Variants in TAB2 observed in about 807,000 individuals in gnomAD.
TAB2 encodes the protein TGF-beta activated kinase 1 (MAP3K7) binding protein 2, also known as TGF-beta-activated kinase 1 and MAP3K7-binding protein 2.
A neutral mutation model predicts 65.0 loss-of-function variants in TAB2; 3 were observed. That is an observed-to-expected ratio of 0.05 (90% CI 0.02 to 0.12). TAB2 has a LOEUF of 0.12. Among genes scored for constraint, TAB2 ranks in the 10% least tolerant of loss-of-function variants. The pLI, the probability that TAB2 is intolerant of heterozygous loss-of-function variation, is 1.00. For missense variants in TAB2, 623 were observed against 840.3 expected (o/e 0.74, Z 3.20); for synonymous variants, 298 against 285.1 (o/e 1.05, Z -0.46).
rs548395077 is a variant in TAB2 at position 149,274,009 on chromosome 6, C to T, written c.-121+55233C>T. ...GATGGTAATGGAAAGCAGTGATTAGCGAAAAAATAATTTTATTCTTCTACC... is the reference window on the plus strand; with the variant it reads ...GATGGTAATGGAAAGCAGTGATTAGTGAAAAAATAATTTTATTCTTCTACC... On this transcript the variant is annotated intron_variant, in intron 1 of 1. Transcript: ENST00000606202. 1.4e-3 allele frequency among the ~76,000 whole-genome samples: 207 copies of T among 152,150 alleles called. 1 individual carries two copies. Among genetic ancestry groups the T allele is most frequent in the African/African-American group, 3.8e-3 (159 of 41,522 alleles).
Position 149,411,236 on chromosome 6 carries a change from TA to T in TAB2, c.*1518del, listed in dbSNP as rs1398908108. Reference sequence around the variant, plus strand: ...AAATAGAGCAAAGGATGGAAGATAATATAGACTACCACCCACTGTAAATGTT... The same window carrying T: ...AAATAGAGCAAAGGATGGAAGATAATTAGACTACCACCCACTGTAAATGTT... On this transcript the variant is annotated 3_prime_UTR_variant, in exon 7 of 7. Coordinates refer to ENST00000637181, the MANE Select transcript of TAB2 (RefSeq NM_001292034.3). 1.3e-5 allele frequency: 2 copies of T among 152,486 alleles called. No homozygotes were observed. Among genetic ancestry groups the T allele is most frequent in the African/African-American group, 2.4e-5 (1 of 41,454 alleles). 9.4% of individuals were successfully genotyped at this position (152,486 alleles called of 1,614,324 possible).
Position 149,369,880 on chromosome 6 carries a change from C to T in TAB2, c.-89-29C>T, listed in dbSNP as rs1368974617. ...CAATATTCCTTCTATAATCAGTTCT[C>T]ATTAAAATTTTTTTTCTTTCTTTCA... On this transcript the variant is annotated intron_variant, in intron 1 of 6. Transcript: ENST00000637181. 9.9e-6 allele frequency: 8 copies of T among 805,672 alleles called. No homozygotes were observed. In the East Asian group the frequency reaches 2.0e-4, roughly 21 times the overall value. The allele number at this position is 805,672 out of a possible 1,614,324, so 49.9% of individuals were successfully genotyped here.
At chr6:149,377,361 T>G (rs2114879916) in intron 2 of TAB2, among the ~76,000 whole-genome samples, 1 of 151,808 alleles carries the variant, frequency 6.6e-6, no homozygotes, top group African/African-American at 2.4e-5. Flanking sequence ...TGAGGTTTTT[T>G]TCCCCCCCGC....
At chr6:149,235,345 G>C (rs1246618444) in intron 1 of TAB2, among the ~76,000 whole-genome samples, 1 of 152,210 alleles carries the variant, frequency 6.6e-6, no homozygotes, top group Non-Finnish European at 1.5e-5. Context: ...AAGTGTTAAA[G>C]GAAATGGGGA....
intron 1 of TAB2, among the ~76,000 whole-genome samples, chr6:149,270,497 A>G (rs1177642023): frequency 2.6e-5 from 4 of 152,142 alleles, no homozygotes; most frequent in Non-Finnish European, 5.9e-5. Context: ...CCGCTAAGAG[A>G]GTAGATTTTA....
chr6:149,264,969 T>C (rs1187377754), intron 1 of TAB2, among the ~76,000 whole-genome samples: 2 of 152,230 alleles, frequency 1.3e-5, no homozygotes, highest in African/African-American at 4.8e-5. Context: ...CATTTGGTCC[T>C]ATTCTGCTGT....
chr6:149,219,521 C>T (rs1032804424), intron 1 of TAB2, among the ~76,000 whole-genome samples: 2 of 152,192 alleles, frequency 1.3e-5, no homozygotes, highest in Non-Finnish European at 2.9e-5. Context: ...TCATTCAAAC[C>T]TGCTCTTTAA....
At chr6:149,262,812 T>A (rs898759404) in intron 1 of TAB2, among the ~76,000 whole-genome samples, 3 of 152,144 alleles carry the variant, frequency 2.0e-5, no homozygotes, top group Non-Finnish European at 4.4e-5. Flanking sequence ...TTCTTTTTTT[T>A]ATTTTTTTAT....
At chr6:149,300,615 G>A (rs1778953924) in intron 1 of TAB2, among the ~76,000 whole-genome samples, 1 of 152,192 alleles carries the variant, frequency 6.6e-6, no homozygotes, top group South Asian at 2.1e-4. Context: ...GTGTTATGCA[G>A]CATAAACTTT....
intron 1 of TAB2, among the ~76,000 whole-genome samples, chr6:149,329,143 C>G (rs940081581): frequency 2.0e-5 from 3 of 152,174 alleles, no homozygotes; most frequent in Admixed American, 1.3e-4. Context: ...CTTCATCCTT[C>G]AAATGGATGG....
At chr6:149,397,441 C>CAA (rs375953182) in intron 3 of TAB2, among the ~76,000 whole-genome samples, 163 bp from the exon 4 acceptor site, 2 of 129,340 alleles carry the variant, frequency 1.5e-5, no homozygotes, top group Non-Finnish European at 1.7e-5. Context: ...AACTCTGTGT[C>CAA]AAAAAAAAAA....
chr6:149,365,996 G>A (rs1016313526), intron 1 of TAB2, among the ~76,000 whole-genome samples: 1 of 151,922 alleles, frequency 6.6e-6, no homozygotes, highest in African/African-American at 2.4e-5. Flanking sequence ...GAGAGTTCCA[G>A]GCATATTTGC....
chr6:149,374,827 G>A (rs529884994), intron 2 of TAB2, among the ~76,000 whole-genome samples: 1 of 152,260 alleles, frequency 6.6e-6, no homozygotes, highest in South Asian at 2.1e-4. Context: ...ACGGGGTGCA[G>A]TCCAGAATAG....
intron 1 of TAB2, among the ~76,000 whole-genome samples, chr6:149,220,474 C>G (rs1270763473): frequency 6.6e-6 from 1 of 152,180 alleles, no homozygotes; most frequent in Non-Finnish European, 1.5e-5. Flanking sequence ...CTGAGCTATT[C>G]AGATCTTCCA....
chr6:149,228,699 AATAAT>A (rs1777336629), intron 1 of TAB2, among the ~76,000 whole-genome samples: 1 of 152,240 alleles, frequency 6.6e-6, no homozygotes, highest in Non-Finnish European at 1.5e-5. Flanking sequence ...GCAGAGGAAA[AATAAT>A]TAAAAGAGCC....
At position 149,349,125 on chromosome 6, in the gene TAB2, TGTAAA is replaced by T. The variant is rs1466952125; in HGVS notation, c.-89-20780_-89-20776del. 2.6e-4 allele frequency among the ~76,000 whole-genome samples: 39 copies of T among 152,026 alleles called. No individual in the cohort carries two copies. In the East Asian group the frequency reaches 7.3e-3, roughly 29 times the overall value. On this transcript the variant is annotated intron_variant, in intron 1 of 6. Coordinates refer to ENST00000637181, the MANE Select transcript of TAB2 (RefSeq NM_001292034.3). ...GGAAGAATTGCAGCTTGTGAGTTAT[TGTAAA>T]GTAGTCAAGGCTGGGCGCCATGTCT...
Position 149,301,932 on chromosome 6 carries a change from A to C in TAB2, c.-120-76086A>C, listed in dbSNP as rs140595370. On this transcript the variant is annotated intron_variant, in intron 1 of 1. Coordinates refer to the TAB2 transcript ENST00000606202. Reference sequence around the variant, plus strand: ...TTAAATTCTTATATCATTTAATACAAAACTATATATACAATTTGTAAAATA... The same window carrying C: ...TTAAATTCTTATATCATTTAATACACAACTATATATACAATTTGTAAAATA... 2.2e-4 allele frequency among the ~76,000 whole-genome samples: 34 copies of C among 152,330 alleles called. No individual in the cohort carries two copies. In the East Asian group the frequency reaches 5.4e-3, roughly 24 times the overall value.
chr6:149,303,767 T>A (rs1779010622), intron 1 of TAB2, among the ~76,000 whole-genome samples: 1 of 152,232 alleles, frequency 6.6e-6, no homozygotes, highest in African/African-American at 2.4e-5. Context: ...ATTTACTTCT[T>A]CACTGAAATA....
intron 1 of TAB2, among the ~76,000 whole-genome samples, chr6:149,309,348 T>C (rs1779126545): frequency 6.6e-6 from 1 of 152,164 alleles, no homozygotes; most frequent in African/African-American, 2.4e-5. Context: ...ACAAGTCTTT[T>C]GTGTGGTCAA....
Sources: allele counts gnomAD v4.1 joint callset (sites outside exome capture counted in the v4.1 genomes callset), GRCh38; gene constraint gnomAD v4.1.1; transcripts MANE v1.5; gene names NCBI Gene and HGNC (gene_info 2026-07-23, HGNC 2026-07-21).